TSHZ2: variants seen among roughly 807,000 people sequenced by gnomAD.
TSHZ2 encodes the protein teashirt zinc finger homeobox 2, also known as teashirt homolog 2.
In TSHZ2, 21 loss-of-function variants were observed where a neutral mutation model predicts 74.4. The observed-to-expected ratio is 0.28, with a 90% CI of 0.20 to 0.41. The LOEUF (loss-of-function observed/expected upper bound fraction) is 0.41. Ranked by LOEUF, TSHZ2 falls within the 10% of genes least tolerant of loss-of-function variation. TSHZ2 has a pLI of 1.00. For missense variants in TSHZ2, 1,244 were observed against 1,293.5 expected (o/e 0.96, Z 0.59); for synonymous variants, 540 against 515.3 (o/e 1.05, Z -0.65).
intron 1 of TSHZ2, among the ~76,000 whole-genome samples, chr20:53,106,390 T>TG: frequency 7.9e-6 from 1 of 126,686 alleles, no homozygotes; most frequent in Non-Finnish European, 1.6e-5. Context: ...TCTCACACTT[T>TG]CTTTTTTTTT....
chr20:53,139,938 T>C (rs555325383), intron 1 of TSHZ2, among the ~76,000 whole-genome samples: 9 of 152,120 alleles, frequency 5.9e-5, no homozygotes, highest in Admixed American at 1.3e-4. Context: ...CCCATCCTCT[T>C]TATGTTCACT....
intron 2 of TSHZ2, among the ~76,000 whole-genome samples, chr20:53,315,110 C>T (rs1482545409): frequency 6.6e-6 from 1 of 152,218 alleles, no homozygotes; most frequent in African/African-American, 2.4e-5. Context: ...CAGTTCCACG[C>T]ATGTGTATGA....
In TSHZ2 at chr20:53,437,221, C is replaced by T. The variant is rs560676057; in HGVS notation, c.*9-49923C>T. 2.8e-4 allele frequency among the ~76,000 whole-genome samples: 42 copies of T among 152,278 alleles called. No individual in the cohort carries two copies. The Middle Eastern group carries it at 0.01, about 37-fold the overall frequency. On this transcript the variant is annotated intron_variant, in intron 2 of 2. Coordinates refer to ENST00000371497, the MANE Select transcript of TSHZ2 (RefSeq NM_173485.6). Reference sequence around the variant, plus strand: ...GGCACAGTAGCTCACGCCTGTAATTCCAGCACTTTGGGAGGCCGAGGCAGA... The same window carrying T: ...GGCACAGTAGCTCACGCCTGTAATTTCAGCACTTTGGGAGGCCGAGGCAGA...
intron 1 of TSHZ2, among the ~76,000 whole-genome samples, chr20:52,992,247 G>C (rs775556224): frequency 7.9e-5 from 12 of 152,228 alleles, no homozygotes; most frequent in Non-Finnish European, 1.5e-4. Flanking sequence ...TGGGTTGAAT[G>C]CATGAATGTA....
intron 2 of TSHZ2, among the ~76,000 whole-genome samples, chr20:53,266,662 G>A (rs1205464349): frequency 6.6e-6 from 1 of 151,922 alleles, no homozygotes; most frequent in African/African-American, 2.4e-5. Context: ...TTGTGTGCAT[G>A]TACTTTTTTC....
intron 2 of TSHZ2, among the ~76,000 whole-genome samples, chr20:53,418,957 C>G (rs2145712315): frequency 6.6e-6 from 1 of 152,242 alleles, no homozygotes; most frequent in East Asian, 1.9e-4. Flanking sequence ...CGGGTTCATC[C>G]CTCTCTCTCC....
At chr20:53,436,541 TA>T (rs571364739) in intron 2 of TSHZ2, among the ~76,000 whole-genome samples, 2,195 of 84,356 alleles carry the variant, frequency 0.026, 61 homozygotes, top group South Asian at 0.037. Context: ...TTATTATTAT[TA>T]TTATTATTTT....
At chr20:53,066,267 CG>C (rs113244048) in intron 1 of TSHZ2, among the ~76,000 whole-genome samples, 20,498 of 152,002 alleles carry the variant, frequency 0.13, 1,465 homozygotes, top group South Asian at 0.23. Context: ...CGACTCCACT[CG>C]AGGCCAAGGA....
rs59162370 is a variant in TSHZ2, at chr20:53,433,584, GACACACACACACACAC to G, written c.*9-53536_*9-53521del. Among the ~76,000 whole-genome samples the G allele has an allele frequency of 4.1e-4, 56 of 137,156 alleles. 2 individuals are homozygous for G. In the East Asian group the frequency reaches 8.9e-3, roughly 22 times the overall value. 90.0% of individuals were successfully genotyped at this position (137,156 alleles called of 152,430 possible). Reference sequence around the variant, plus strand: ...ACCAACACAGACACACAGACACACAGACACACACACACACACACACACACACACACACACACACAGA... The same window carrying G: ...ACCAACACAGACACACAGACACACAGACACACACACACACACACACACAGA... On this transcript the variant is annotated intron_variant, in intron 2 of 2. Transcript: ENST00000371497.
intron 1 of TSHZ2, among the ~76,000 whole-genome samples, chr20:53,219,664 C>G (rs1989511398): frequency 6.6e-6 from 1 of 152,084 alleles, no homozygotes; most frequent in African/African-American, 2.4e-5. Flanking sequence ...GCAAAGTAAC[C>G]TTATAAAGAG....
intron 2 of TSHZ2, among the ~76,000 whole-genome samples, chr20:53,446,555 G>C (rs1306227309): frequency 6.7e-6 from 1 of 148,610 alleles, no homozygotes; most frequent in African/African-American, 2.5e-5. Flanking sequence ...CTCCAGTCTG[G>C]GTGACAGAGC....
chr20:53,014,671 C>G (rs964603034), intron 1 of TSHZ2, among the ~76,000 whole-genome samples: 4 of 152,114 alleles, frequency 2.6e-5, no homozygotes, highest in Admixed American at 1.3e-4. Context: ...GAAATGTACC[C>G]CCAGCATTTT....
At chr20:53,339,393 G>A (rs956593314) in intron 2 of TSHZ2, among the ~76,000 whole-genome samples, 2 of 152,092 alleles carry the variant, frequency 1.3e-5, no homozygotes, top group African/African-American at 4.8e-5. Flanking sequence ...GTGGTCAAGG[G>A]CCAGGGCATT....
chr20:53,245,678 T>G (rs1176041355), intron 1 of TSHZ2, among the ~76,000 whole-genome samples: 2 of 152,328 alleles, frequency 1.3e-5, no homozygotes, highest in Middle Eastern at 3.4e-3. Flanking sequence ...AGAGCCTGCA[T>G]TTCTAACAAG....
chr20:52,985,005 A>C (rs537539295), intron 1 of TSHZ2, among the ~76,000 whole-genome samples: 21 of 152,368 alleles, frequency 1.4e-4, no homozygotes, highest in African/African-American at 5.0e-4. Context: ...TCTCTGAGCC[A>C]AAGTGGAAAC....
At chr20:53,377,167 A>G (rs1365112317) in intron 2 of TSHZ2, among the ~76,000 whole-genome samples, 1 of 152,238 alleles carries the variant, frequency 6.6e-6, no homozygotes, top group Non-Finnish European at 1.5e-5. Flanking sequence ...TCATTCTGAT[A>G]CTGCAACATT....
chr20:53,032,989 A>T (rs1438892171), intron 1 of TSHZ2, among the ~76,000 whole-genome samples: 1 of 152,240 alleles, frequency 6.6e-6, no homozygotes, highest in African/African-American at 2.4e-5. Flanking sequence ...ACAAAGGGAC[A>T]TAAACAGTGC....
At chr20:53,201,822 G>C (rs1989015269) in intron 1 of TSHZ2, among the ~76,000 whole-genome samples, 1 of 152,162 alleles carries the variant, frequency 6.6e-6, no homozygotes, top group Non-Finnish European at 1.5e-5. Context: ...TGACCCACTA[G>C]ATGTCAGTAG....
At chr20:53,045,335 A>G (rs60664722) in intron 1 of TSHZ2, among the ~76,000 whole-genome samples, 8,746 of 152,308 alleles carry the variant, frequency 0.057, 262 homozygotes, top group Middle Eastern at 0.085. Context: ...AATACACATG[A>G]GAATCCAAAA....
Sources: allele counts gnomAD v4.1 joint callset (sites outside exome capture counted in the v4.1 genomes callset), GRCh38; gene constraint gnomAD v4.1.1; transcripts MANE v1.5; gene names NCBI Gene and HGNC (gene_info 2026-07-23, HGNC 2026-07-21).